The following FAM107A variants were observed in gnomAD, a reference collection of about 807,000 sequenced individuals.
FAM107A encodes the protein family with sequence similarity 107 member A.
A neutral mutation model predicts 13.7 loss-of-function variants in FAM107A; 19 were observed. The ratio of observed to expected loss-of-function variants is 1.38; its 90% CI spans 0.97 to 2.03. The LOEUF (loss-of-function observed/expected upper bound fraction) is 2.03, where lower values mean the gene tolerates loss of function less well. Among genes scored for constraint, FAM107A ranks in the 30% most tolerant of loss-of-function variants. The probability of loss-of-function intolerance (pLI) is 0.00; values close to 1 mark genes in which losing one functional copy is unlikely to be tolerated. For missense variants in FAM107A, 203 were observed against 184.4 expected (o/e 1.10, Z -0.58); for synonymous variants, 82 against 74.5 (o/e 1.10, Z -0.52).
rs143771848 is a variant in FAM107A at position 58,610,340 on chromosome 3, C to T, written c.-70+17076G>A. Among the ~76,000 whole-genome samples, 25 of 152,290 alleles carry T rather than the reference C, an allele frequency of 1.6e-4. No individual in the cohort carries two copies. The East Asian group carries it at 4.8e-3, about 29-fold the overall frequency. ...ATCCCAGGTTTGTCTCATGCCGGACCCCTTACCCCCATCCATGAGGCTGAG... is the reference window on the plus strand; with the variant it reads ...ATCCCAGGTTTGTCTCATGCCGGACTCCTTACCCCCATCCATGAGGCTGAG... On this transcript the variant is annotated intron_variant, in intron 1 of 3. Transcript: ENST00000465970.
exon 1 of FAM107A, chr3:58,587,102 C>T: frequency 7.3e-7 from 1 of 1,368,496 alleles, no homozygotes; most frequent in Non-Finnish European, 9.4e-7. Context: ...CGAGGAGACG[C>T]CGCCGGGGGA....
At chr3:58,568,703 A>T (rs72876121) in intron 2 of FAM107A, among the ~76,000 whole-genome samples, 4,000 of 152,304 alleles carry the variant, frequency 0.026, 179 homozygotes, top group African/African-American at 0.092. Context: ...TATTGGTCAC[A>T]CAACTGAAAA....
intron 1 of FAM107A, chr3:58,607,003 C>G (rs1208532495): frequency 6.6e-6 from 1 of 152,162 alleles, no homozygotes; most frequent in East Asian, 1.9e-4. Flanking sequence ...CAGGATCCAG[C>G]CTTGCTTGAT....
upstream of FAM107A, chr3:58,587,244 G>T: frequency 1.9e-6 from 1 of 532,122 alleles, no homozygotes; most frequent in Non-Finnish European, 2.8e-6. Context: ...CTGACTTCCA[G>T]CCTCGGTCTC....
At chr3:58,597,143 A>C (rs1409749066) in intron 1 of FAM107A, among the ~76,000 whole-genome samples, 1 of 152,224 alleles carries the variant, frequency 6.6e-6, no homozygotes, top group African/African-American at 2.4e-5. Flanking sequence ...TATCACTCCT[A>C]AAGCTGCTAT....
chr3:58,574,919 G>C (rs2063718179), intron 1 of FAM107A, among the ~76,000 whole-genome samples: 1 of 152,086 alleles, frequency 6.6e-6, no homozygotes, highest in Non-Finnish European at 1.5e-5. Context: ...GGCATGCATG[G>C]CTAATGCAGG....
chr3:58,617,489 T>G lies in FAM107A; in HGVS notation c.-70+9927A>C, dbSNP rs1331377951. ...AGCCTCTGTCATCTTAGATTTTAGATGAAAAAGAAAGTTCCAGCTCCTCGC... is the reference window on the plus strand; with the variant it reads ...AGCCTCTGTCATCTTAGATTTTAGAGGAAAAAGAAAGTTCCAGCTCCTCGC... On this transcript the variant is annotated intron_variant, in intron 1 of 3. Coordinates refer to the FAM107A transcript ENST00000465970. The surrounding 1 kb of genome is among the most constrained non-coding windows in gnomAD (Gnocchi z 4.5). Among the ~76,000 whole-genome samples, 2 of 152,024 alleles carry G rather than the reference T, an allele frequency of 1.3e-5. No individual in the cohort carries two copies.
exon 1 of FAM107A, chr3:58,627,566 C>G (rs530962453): frequency 1.3e-5 from 2 of 152,678 alleles, no homozygotes; most frequent in East Asian, 1.9e-4. Flanking sequence ...GGGTCCGGGG[C>G]TCTCCCACAG....
intron 1 of FAM107A, among the ~76,000 whole-genome samples, chr3:58,596,012 A>G (rs993197330): frequency 1.3e-5 from 2 of 152,256 alleles, no homozygotes; most frequent in African/African-American, 4.8e-5. Flanking sequence ...GAAAGTTAGC[A>G]GACATAAATT....
In FAM107A at chr3:58,604,114, TTTG is replaced by T. The variant is rs1419892162; in HGVS notation, c.-69-14848_-69-14846del. 6.6e-6 allele frequency among the ~76,000 whole-genome samples: 1 copy of T among 151,696 alleles called. No homozygotes were observed. The highest frequency in any genetic ancestry group is 1.5e-5 in the Non-Finnish European group (1 of 67,992). The stretch of plus-strand genomic sequence containing the variant: ...CTGATGAGCAGTTTCCACCTGGGCT[TTTG>T]AAGGAGGGAGCCACAAAAAGCCTTT... On this transcript the variant is annotated intron_variant, in intron 1 of 3. Transcript: ENST00000465970. The surrounding 1 kb of genome is among the most constrained non-coding windows in gnomAD (Gnocchi z 4.1).
intron 1 of FAM107A, chr3:58,607,112 C>A (rs1308750412): frequency 6.6e-6 from 1 of 152,234 alleles, no homozygotes; most frequent in Non-Finnish European, 1.5e-5. Context: ...TTGACTGTGG[C>A]ATCTTTCCAG....
At chr3:58,579,954 G>A (rs1004020815), upstream of FAM107A, among the ~76,000 whole-genome samples, 5 of 152,314 alleles carry the variant, frequency 3.3e-5, no homozygotes, top group Admixed American at 2.6e-4. Flanking sequence ...CCAGTACTGA[G>A]GGGCTCAATA....
intron 1 of FAM107A, among the ~76,000 whole-genome samples, chr3:58,624,039 G>A (rs1446650495): frequency 1.3e-5 from 2 of 152,164 alleles, no homozygotes; most frequent in Non-Finnish European, 2.9e-5. Flanking sequence ...CACTCTGTTG[G>A]TGTCTATGAA....
intron 1 of FAM107A, among the ~76,000 whole-genome samples, chr3:58,575,130 A>C (rs1425191132): frequency 6.6e-6 from 1 of 152,196 alleles, no homozygotes; most frequent in Non-Finnish European, 1.5e-5. Flanking sequence ...CTTCGATGGC[A>C]TCAGTTGTAA....
intron 1 of FAM107A, among the ~76,000 whole-genome samples, chr3:58,600,498 A>G (rs760347403): frequency 2.0e-5 from 3 of 152,222 alleles, no homozygotes; most frequent in Non-Finnish European, 4.4e-5. Flanking sequence ...GTGAGGCTCA[A>G]AAAAGTTGAG....
upstream of FAM107A, chr3:58,577,568 A>G (rs2063741291): frequency 1.0e-6 from 1 of 985,468 alleles, no homozygotes; most frequent in South Asian, 4.7e-5. The surrounding 1 kb of genome is among the most constrained non-coding windows in gnomAD (Gnocchi z 4.9). Flanking sequence ...GCGGAACATC[A>G]TGTCCAAGCC....
upstream of FAM107A, among the ~76,000 whole-genome samples, chr3:58,587,520 G>GT (rs2065621320): frequency 7.0e-6 from 1 of 143,084 alleles, no homozygotes; most frequent in Non-Finnish European, 1.5e-5. Context: ...TGTGTGTGTG[G>GT]CCCAGAACAG....
chr3:58,570,632 A>G (rs1179968127), intron 1 of FAM107A, among the ~76,000 whole-genome samples: 7 of 120,280 alleles, frequency 5.8e-5, no homozygotes, highest in African/African-American at 2.1e-4. Flanking sequence ...AGAGAGAGAG[A>G]GAGAAAGAGA....
upstream of FAM107A, among the ~76,000 whole-genome samples, chr3:58,589,623 T>G (rs1381119393): frequency 2.0e-5 from 3 of 152,276 alleles, no homozygotes; most frequent in Admixed American, 2.0e-4. Flanking sequence ...TATATGCAGC[T>G]GTACATGTGA....
Sources: gnomAD v4.1 joint callset for allele counts (sites outside exome capture counted in the v4.1 genomes callset) on GRCh38, gnomAD v4.1.1 for gene constraint, Gnocchi (gnomAD v3.1) non-coding constraint, MANE v1.5 for transcripts, NCBI Gene and HGNC (gene_info 2026-07-23, HGNC 2026-07-21) for gene names.